Variants in AK5 observed in about 807,000 individuals in gnomAD.
AK5 encodes the protein adenylate kinase 5, also known as adenylate kinase isoenzyme 5.
AK5 carries 27 observed loss-of-function variants against 69.5 expected under a neutral mutation model. That is an observed-to-expected ratio of 0.39 (90% CI 0.29 to 0.54). The LOEUF is 0.54. Ranked by LOEUF, AK5 falls within the 20% of genes least tolerant of loss-of-function variation. AK5 has a pLI of 0.71. For missense variants in AK5, 531 were observed against 700.4 expected (o/e 0.76, Z 2.73); for synonymous variants, 260 against 244.4 (o/e 1.06, Z -0.60).
At chr1:77,440,980 C>G (rs1398447489) in intron 8 of AK5, among the ~76,000 whole-genome samples, 1 of 152,210 alleles carries the variant, frequency 6.6e-6, no homozygotes, top group Non-Finnish European at 1.5e-5. Flanking sequence ...AACTCCTGAC[C>G]TCAGGTAATT....
chr1:77,489,871 A>G (rs2647497), intron 10 of AK5, among the ~76,000 whole-genome samples: 28,334 of 152,088 alleles, frequency 0.19, 2,925 homozygotes, highest in African/African-American at 0.24. Flanking sequence ...CCACACCTGC[A>G]TCCTTATTAT....
intron 6 of AK5, among the ~76,000 whole-genome samples, chr1:77,344,440 A>G (rs1286984032): frequency 1.3e-5 from 2 of 152,136 alleles, no homozygotes; most frequent in Non-Finnish European, 2.9e-5. Flanking sequence ...TATGCTTGTG[A>G]TTAAAGATTA....
At chr1:77,400,741 T>C (rs1048350820) in intron 6 of AK5, among the ~76,000 whole-genome samples, 3 of 152,044 alleles carry the variant, frequency 2.0e-5, no homozygotes, top group Non-Finnish European at 4.4e-5. Context: ...TTGTGTTGAC[T>C]TTTTCCCCAC....
intron 5 of AK5, among the ~76,000 whole-genome samples, chr1:77,337,659 C>G (rs543876313): frequency 6.6e-6 from 1 of 152,218 alleles, no homozygotes; most frequent in East Asian, 1.9e-4. Context: ...CATACAAATA[C>G]TACAAGTGAT....
At chr1:77,398,911 C>G (rs576678710) in intron 6 of AK5, among the ~76,000 whole-genome samples, 3 of 152,114 alleles carry the variant, frequency 2.0e-5, no homozygotes, top group Admixed American at 1.3e-4. Context: ...ATATGGATCT[C>G]AAGAGATATT....
intron 5 of AK5, among the ~76,000 whole-genome samples, chr1:77,331,911 AG>A (rs1158591754): frequency 6.6e-6 from 1 of 152,116 alleles, no homozygotes; most frequent in Non-Finnish European, 1.5e-5. Flanking sequence ...TTCTTTTGTC[AG>A]TATGGAGAAG....
intron 6 of AK5, among the ~76,000 whole-genome samples, chr1:77,368,302 A>AATATATATGTTATATATAATATATATG (rs1557535847): frequency 2.0e-5 from 2 of 98,198 alleles, no homozygotes; most frequent in East Asian, 3.2e-4. Flanking sequence ...TGTTATATAT[A>AATATATATGTTATATATAATATATATG]ATATATATGT....
intron 13 of AK5, among the ~76,000 whole-genome samples, chr1:77,542,944 T>G (rs1659355226): frequency 6.6e-6 from 1 of 152,026 alleles, no homozygotes; most frequent in Non-Finnish European, 1.5e-5. Flanking sequence ...AGTGACTCAT[T>G]AAACATGAGT....
chr1:77,338,649 T>A (rs17100364), intron 5 of AK5, among the ~76,000 whole-genome samples: 7,557 of 152,194 alleles, frequency 0.05, 231 homozygotes, highest in South Asian at 0.094. Flanking sequence ...AAGAGTATGA[T>A]CTAAGCCTTG....
chr1:77,404,058 C>T (rs1216910215), intron 6 of AK5, among the ~76,000 whole-genome samples: 3 of 152,178 alleles, frequency 2.0e-5, no homozygotes, highest in Non-Finnish European at 4.4e-5. Flanking sequence ...CTCTTTGAAG[C>T]AATTGTGAAT....
At chr1:77,382,484 A>G (rs1647713595) in intron 6 of AK5, among the ~76,000 whole-genome samples, 1 of 152,098 alleles carries the variant, frequency 6.6e-6, no homozygotes, top group Non-Finnish European at 1.5e-5. Context: ...CTGAGTAACT[A>G]GGAATACAGG....
intron 8 of AK5, among the ~76,000 whole-genome samples, chr1:77,445,560 T>C (rs891776266): frequency 1.3e-5 from 2 of 152,194 alleles, no homozygotes; most frequent in Admixed American, 6.5e-5. Context: ...TTGCAAATAC[T>C]TTTTCCTAAT....
chr1:77,460,056 C>T (rs889085755), intron 8 of AK5, among the ~76,000 whole-genome samples: 2 of 152,080 alleles, frequency 1.3e-5, no homozygotes, highest in Non-Finnish European at 2.9e-5. Context: ...TCTGGTATCT[C>T]AGAGATATGA....
chr1:77,342,722 A>T (rs1278870504), intron 6 of AK5, among the ~76,000 whole-genome samples: 1 of 152,212 alleles, frequency 6.6e-6, no homozygotes, highest in African/African-American at 2.4e-5. Context: ...GCTTTTAAAG[A>T]TGAGTTAAAT....
At chr1:77,492,494 G>C (rs1017454634) in intron 10 of AK5, among the ~76,000 whole-genome samples, 1 of 152,170 alleles carries the variant, frequency 6.6e-6, no homozygotes, top group Non-Finnish European at 1.5e-5. Context: ...ACCACCATGG[G>C]GTTACTTGGG....
chr1:77,540,838 T>A (rs1406703511), intron 13 of AK5: 1 of 152,190 alleles, frequency 6.6e-6, no homozygotes, highest in African/African-American at 2.4e-5. Context: ...GTGGCACATG[T>A]CTATAATCAC....
intron 6 of AK5, among the ~76,000 whole-genome samples, chr1:77,349,925 T>C (rs895303204): frequency 2.0e-5 from 3 of 152,208 alleles, no homozygotes; most frequent in Non-Finnish European, 4.4e-5. Context: ...GATAGTCCTT[T>C]TATAGTCATT....
chr1:77,299,370 G>T (rs1162431732), intron 5 of AK5, among the ~76,000 whole-genome samples: 1 of 150,828 alleles, frequency 6.6e-6, no homozygotes, highest in Non-Finnish European at 1.5e-5. Flanking sequence ...TACAGATATC[G>T]TATTAAACAG....
At chr1:77,372,863 G>T (rs1456309645) in intron 6 of AK5, among the ~76,000 whole-genome samples, 6 of 152,168 alleles carry the variant, frequency 3.9e-5, no homozygotes, top group African/African-American at 1.4e-4. Flanking sequence ...TTTAATGTGA[G>T]CATTGACCAG....
Sources: gnomAD v4.1 joint callset for allele counts (sites outside exome capture counted in the v4.1 genomes callset) on GRCh38, gnomAD v4.1.1 for gene constraint, MANE v1.5 for transcripts, NCBI Gene and HGNC (gene_info 2026-07-23, HGNC 2026-07-21) for gene names.